The following SYCE1L variants were observed in gnomAD, a reference collection of about 807,000 sequenced individuals.
The protein encoded by SYCE1L is synaptonemal complex central element protein 1-like.
A neutral mutation model predicts 39.6 loss-of-function variants in SYCE1L; 51 were observed. That is an observed-to-expected ratio of 1.29 (90% CI 1.03 to 1.63). SYCE1L has a LOEUF of 1.63. SYCE1L is among the 40% of genes most tolerant of loss of function. The probability of loss-of-function intolerance (pLI) is 0.00; values close to 1 mark genes in which losing one functional copy is unlikely to be tolerated. For missense variants in SYCE1L, 426 were observed against 304.9 expected (o/e 1.40, Z -2.96); for synonymous variants, 147 against 122.4 (o/e 1.20, Z -1.33).
intron 2 of SYCE1L, 21 bp downstream of exon 2, chr16:77,206,521 T>C: frequency 6.4e-7 from 1 of 1,551,524 alleles, no homozygotes; most frequent in South Asian, 1.2e-5. Flanking sequence ...TCTTTGTTTC[T>C]GAGCCTCAGC....
chr16:77,207,152 C>G (rs1183138527), intron 2 of SYCE1L, among the ~76,000 whole-genome samples: 2 of 152,148 alleles, frequency 1.3e-5, no homozygotes, highest in East Asian at 1.9e-4. Flanking sequence ...CTGATCATTT[C>G]CAGTAAAACA....
At chr16:77,209,247 G>T (rs1337323790) in intron 5 of SYCE1L, 103 bp downstream of exon 5, 1 of 1,415,850 alleles carries the variant, frequency 7.1e-7, no homozygotes, top group Middle Eastern at 1.7e-4. Context: ...CTAAGGCAGG[G>T]TGCTTCCCTC....
chr16:77,199,703 T>G, intron 1 of SYCE1L, 191 bp downstream of exon 1: 1 of 533,324 alleles, frequency 1.9e-6, no homozygotes, highest in Non-Finnish European at 3.3e-6. Flanking sequence ...GGCATATTCT[T>G]ATCACCGAGA....
intron 6 of SYCE1L, 144 bp downstream of exon 6, chr16:77,209,615 G>C (rs1448156879): frequency 1.2e-6 from 1 of 836,730 alleles, no homozygotes; most frequent in Non-Finnish European, 1.9e-6. Flanking sequence ...GATTTCCTTG[G>C]TTATCTCTGA....
intron 1 of SYCE1L, chr16:77,200,714 C>T (rs1232302513): frequency 1.4e-5 from 2 of 143,806 alleles, no homozygotes; most frequent in Non-Finnish European, 1.5e-5. Context: ...TGACATTGCG[C>T]CACTGCACTC....
Position 77,212,146 on chromosome 16 carries a change from T to C in SYCE1L, c.440T>C (p.Leu147Pro). 6.5e-7 allele frequency: 1 copy of C among 1,548,630 alleles called. No homozygotes were observed. The highest frequency in any genetic ancestry group is 1.2e-5 in the South Asian group (1 of 83,928). Residue 147 changes from leucine (L) to proline (P), a missense_variant, in exon 8 of 11, where the codon CTG becomes CCG. Coordinates refer to ENST00000378644, the MANE Select transcript of SYCE1L (RefSeq NM_001129979.3). Reference protein sequence around the residue: ...LWEFHMLEQRLAREIRALERS... With the variant: ...LWEFHMLEQRPAREIRALERS... ...TCCTCGCAGATGCTGGAGCAGCGAC[T>C]GGCCCGGGAGATCCGTGCCCTGGAG...
chr16:77,211,204 G>T lies in SYCE1L; in HGVS notation c.360-9G>T. On this transcript the variant is annotated splice_polypyrimidine_tract_variant and intron_variant, in intron 6 of 10. Coordinates refer to ENST00000378644, the MANE Select transcript of SYCE1L (RefSeq NM_001129979.3). ...ATGTGTTCTCTTATTCCTGGGTGTCGGCCTCCAGGTTGGATGTCAGAGGAC... is the reference window on the plus strand; with the variant it reads ...ATGTGTTCTCTTATTCCTGGGTGTCTGCCTCCAGGTTGGATGTCAGAGGAC... The T allele has an allele frequency of 1.3e-6, 2 of 1,551,894 alleles. No homozygotes were observed. The highest frequency in any genetic ancestry group is 1.7e-6 in the Non-Finnish European group (2 of 1,147,042).
chr16:77,205,569 C>T (rs186248473), intron 1 of SYCE1L, among the ~76,000 whole-genome samples: 2 of 151,700 alleles, frequency 1.3e-5, no homozygotes, highest in East Asian at 3.9e-4. Context: ...TTTTCTCTCT[C>T]CCTCATTTTC....
chr16:77,209,318 G>C (rs1313287898), intron 5 of SYCE1L, 99 bp from the exon 6 acceptor site: 1 of 1,406,748 alleles, frequency 7.1e-7, no homozygotes, highest in Non-Finnish European at 9.8e-7. Context: ...AGTCCTCACA[G>C]TGCCCTCCAA....
chr16:77,212,844 C>A lies in SYCE1L; in HGVS notation c.655-13C>A. On this transcript the variant is annotated splice_polypyrimidine_tract_variant and intron_variant, in intron 10 of 10. Coordinates refer to ENST00000378644, the MANE Select transcript of SYCE1L (RefSeq NM_001129979.3). Reference sequence around the variant, plus strand: ...TAGGAACCTGGTCCGCAGCCTCACCCAGCCCCCGGCAGGCCGGACCTGAGC... The same window carrying A: ...TAGGAACCTGGTCCGCAGCCTCACCAAGCCCCCGGCAGGCCGGACCTGAGC... 1 of 1,480,364 alleles carries A rather than the reference C, an allele frequency of 6.8e-7. No individual in the cohort carries two copies. The highest frequency in any genetic ancestry group is 1.3e-5 in the South Asian group (1 of 77,408). The allele number at this position is 1,480,364 out of a possible 1,614,324, so 91.7% of individuals were successfully genotyped here.
At position 77,208,208 on chromosome 16, in the gene SYCE1L, A is replaced by G. The variant is rs1010481182; in HGVS notation, c.122-2A>G. On this transcript the variant is annotated splice_acceptor_variant, in intron 2 of 10. Coordinates refer to ENST00000378644, the MANE Select transcript of SYCE1L (RefSeq NM_001129979.3). LOFTEE classifies it high-confidence loss of function. ...TCACTCTTTCTTCCTTTCTTTCTTCAGAGGGAAGCCTGGAGCCACAGATAG... is the reference window on the plus strand; with the variant it reads ...TCACTCTTTCTTCCTTTCTTTCTTCGGAGGGAAGCCTGGAGCCACAGATAG... 7.7e-6 allele frequency: 12 copies of G among 1,551,324 alleles called. No homozygotes were observed. The highest frequency in any genetic ancestry group is 9.6e-6 in the Non-Finnish European group (11 of 1,146,906).
intron 1 of SYCE1L, 149 bp downstream of exon 1, chr16:77,199,661 TA>T: frequency 1.5e-6 from 1 of 681,430 alleles, no homozygotes; most frequent in Non-Finnish European, 2.5e-6. Context: ...AACAATTTTT[TA>T]ACCGTTCAGC....
chr16:77,207,509 G>A (rs547721437), intron 2 of SYCE1L, among the ~76,000 whole-genome samples: 1 of 152,274 alleles, frequency 6.6e-6, no homozygotes, highest in African/African-American at 2.4e-5. Context: ...TAAAAGCAGG[G>A]ATTCCCCATT....
intron 1 of SYCE1L, among the ~76,000 whole-genome samples, chr16:77,204,220 A>G (rs1019383126): frequency 6.6e-5 from 10 of 152,202 alleles, no homozygotes; most frequent in Admixed American, 4.6e-4. Flanking sequence ...GTAGTACTCT[A>G]TGTGTACCCA....
At chr16:77,209,182 TC>T in intron 5 of SYCE1L, 38 bp downstream of exon 5, 5 of 1,548,952 alleles carry the variant, frequency 3.2e-6, no homozygotes, top group Non-Finnish European at 4.4e-6. Context: ...ATTCTACTCT[TC>T]CACCCCACAA....
intron 1 of SYCE1L, chr16:77,199,753 A>G (rs1414994345): frequency 9.1e-6 from 4 of 441,134 alleles, no homozygotes; most frequent in Non-Finnish European, 1.6e-5. Context: ...TGTTGAAAGT[A>G]AACAACATGT....
intron 1 of SYCE1L, among the ~76,000 whole-genome samples, chr16:77,204,214 T>A (rs550213573): frequency 1.3e-5 from 2 of 152,326 alleles, no homozygotes; most frequent in African/African-American, 4.8e-5. Context: ...GTCTAGGTAG[T>A]ACTCTATGTG....
In SYCE1L at chr16:77,213,207, C is replaced by T. The variant is rs567338274; in HGVS notation, c.*276C>T. ...ACGGCCTCATCTCGAGTTCCCAAAC[C>T]ATCTATGTTGTCAACAGGGGCCGGA... On this transcript the variant is annotated 3_prime_UTR_variant, in exon 11 of 11. Coordinates refer to ENST00000378644, the MANE Select transcript of SYCE1L (RefSeq NM_001129979.3). The T allele has an allele frequency of 2.1e-4, 76 of 364,932 alleles. No individual in the cohort carries two copies. The highest frequency in any genetic ancestry group is 3.1e-4 in the Non-Finnish European group (64 of 204,356). The allele number at this position is 364,932 out of a possible 1,614,324, so 22.6% of individuals were successfully genotyped here.
intron 1 of SYCE1L, among the ~76,000 whole-genome samples, chr16:77,204,199 G>A (rs2054768592): frequency 6.6e-6 from 1 of 152,166 alleles, no homozygotes; most frequent in Non-Finnish European, 1.5e-5. Flanking sequence ...GGTCCACCAG[G>A]TAGCGTCTAG....
Sources: allele counts gnomAD v4.1 joint callset (sites outside exome capture counted in the v4.1 genomes callset), GRCh38; gene constraint gnomAD v4.1.1; transcripts MANE v1.5; gene names NCBI Gene and HGNC (gene_info 2026-07-23, HGNC 2026-07-21).